ARL10: variants seen among roughly 807,000 people sequenced by gnomAD.
The protein encoded by ARL10 is ARF like GTPase 10, also known as ADP-ribosylation factor-like protein 10.
Under a neutral mutation model 26.1 loss-of-function variants are expected in ARL10, and 23 were observed. The ratio of observed to expected loss-of-function variants is 0.88; its 90% CI spans 0.63 to 1.25. The LOEUF is 1.25. Among genes scored for constraint, ARL10 ranks in the 50% most tolerant of loss-of-function variants. The pLI is 0.00. For synonymous variants in ARL10, 138 were observed against 149.1 expected (o/e 0.93, Z 0.54); for missense variants, 300 against 323.6 (o/e 0.93, Z 0.56).
chr5:176,370,935 A>C (rs1030513350), intron 3 of ARL10, among the ~76,000 whole-genome samples: 20 of 152,194 alleles, frequency 1.3e-4, no homozygotes, highest in African/African-American at 4.8e-4. Flanking sequence ...CTGAGTTGGC[A>C]CCTGGCTCTA....
At chr5:176,406,385 A>G (rs2113665354), downstream of ARL10, 1 of 1,134,240 alleles carries the variant, frequency 8.8e-7, no homozygotes, top group South Asian at 1.8e-5. Flanking sequence ...ACCCATGAGA[A>G]CCTCTGTGGA....
Position 176,374,678 on chromosome 5 carries a change from G to T in ARL10, c.*2783G>T, listed in dbSNP as rs956560364. The T allele has an allele frequency of 6.6e-6, 1 of 152,226 alleles. No homozygotes were observed. Among genetic ancestry groups the T allele is most frequent in the Non-Finnish European group, 1.5e-5 (1 of 68,038 alleles). 9.4% of individuals were successfully genotyped at this position (152,226 alleles called of 1,614,324 possible). On this transcript the variant is annotated 3_prime_UTR_variant, in exon 4 of 4. Coordinates refer to ENST00000310389, the MANE Select transcript of ARL10 (RefSeq NM_173664.6). ...AATTAAGGACATAGTTCACTATGAAGTACCTTAATTGTAAAGTGTTTGATT... is the reference window on the plus strand; with the variant it reads ...AATTAAGGACATAGTTCACTATGAATTACCTTAATTGTAAAGTGTTTGATT...
chr5:176,398,173 T>C (rs1314064704), intron 1 of ARL10: 1 of 770,414 alleles, frequency 1.3e-6, no homozygotes, highest in Non-Finnish European at 2.2e-6. Context: ...CCACTGTCTC[T>C]GGTGACTACA....
chr5:176,391,457 C>A (rs1445419819), downstream of ARL10, among the ~76,000 whole-genome samples: 1 of 152,126 alleles, frequency 6.6e-6, no homozygotes, highest in Non-Finnish European at 1.5e-5. Flanking sequence ...ACTAAAAATA[C>A]AAAGATTAGC....
At chr5:176,392,965 G>T, downstream of ARL10, 1 of 1,613,884 alleles carries the variant, frequency 6.2e-7, no homozygotes, top group South Asian at 1.1e-5. The surrounding 1 kb of genome is among the most constrained non-coding windows in gnomAD (Gnocchi z 5.2). Flanking sequence ...GAGATAGGAC[G>T]GGCTTTTATA....
chr5:176,393,255 C>T (rs901744297), downstream of ARL10, among the ~76,000 whole-genome samples: 1 of 152,170 alleles, frequency 6.6e-6, no homozygotes, highest in African/African-American at 2.4e-5. This position sits in a 1 kb window ranked among gnomAD's most constrained non-coding sequence, Gnocchi z 4.4. Flanking sequence ...AGCCTAGGCA[C>T]CCTCTGTTCA....
intron 1 of ARL10, among the ~76,000 whole-genome samples, chr5:176,394,641 C>CT (rs1289971818): frequency 7.8e-6 from 1 of 127,874 alleles, no homozygotes; most frequent in Non-Finnish European, 1.8e-5. Context: ...GGTGAAACCC[C>CT]GTCTCTACTA....
At chr5:176,392,644 G>A (rs1477470328), downstream of ARL10, 7 of 1,078,802 alleles carry the variant, frequency 6.5e-6, no homozygotes, top group African/African-American at 1.6e-5. The surrounding 1 kb of genome is among the most constrained non-coding windows in gnomAD (Gnocchi z 5.2). Flanking sequence ...CCCTCCCAGC[G>A]CCTGGAGATG....
At position 176,400,232 on chromosome 5, in the gene ARL10, AG is replaced by A. The variant is rs551000640; in HGVS notation, c.134-1507del. Among the ~76,000 whole-genome samples, 763 of 152,268 alleles carry A rather than the reference AG, an allele frequency of 5.0e-3. 8 individuals are homozygous for A. The highest frequency in any genetic ancestry group is 8.9e-3 in the Non-Finnish European group (602 of 68,014). On this transcript the variant is annotated intron_variant, in intron 1 of 1. Transcript: ENST00000514533. The stretch of plus-strand genomic sequence containing the variant: ...AAGAAAGAAAGAAAGAAAGAAAAAA[AG>A]GAATAATATTAAGAACACCTCTAAG...
At chr5:176,410,341 T>C in the ARL10 span, 104 of 1,589,598 alleles carry the variant, frequency 6.5e-5, no homozygotes, top group Non-Finnish European at 8.4e-5. Context: ...ACTCACTGTT[T>C]AGCTTATAGC....
downstream of ARL10, among the ~76,000 whole-genome samples, chr5:176,393,531 T>C (rs1002596069): frequency 1.3e-5 from 2 of 152,174 alleles, no homozygotes; most frequent in Admixed American, 1.3e-4. The surrounding 1 kb of genome is among the most constrained non-coding windows in gnomAD (Gnocchi z 4.4). Flanking sequence ...TTCAAAGCCT[T>C]TCATGTGCTG....
intron 1 of ARL10, chr5:176,396,624 C>T: frequency 3.5e-6 from 3 of 853,692 alleles, no homozygotes; most frequent in East Asian, 2.6e-5. Flanking sequence ...GAGAGAGAGA[C>T]AGCATTAGTA....
rs1755526259 is a variant in ARL10, at chr5:176,380,538, A to T, written c.*8643A>T. The T allele has an allele frequency of 1.5e-5, 2 of 135,838 alleles. No individual in the cohort carries two copies. Among genetic ancestry groups the T allele is most frequent in the South Asian group, 4.6e-4 (2 of 4,330 alleles). 8.4% of individuals were successfully genotyped at this position (135,838 alleles called of 1,614,324 possible). On this transcript the variant is annotated 3_prime_UTR_variant, in exon 4 of 4. Coordinates refer to ENST00000310389, the MANE Select transcript of ARL10 (RefSeq NM_173664.6). ...ACCACCCAGGCTGTAGCGCAATGGC[A>T]CGATCTCAGCTCACTGCAACCTCCG...
downstream of ARL10, chr5:176,384,422 C>G: frequency 1.9e-6 from 3 of 1,555,454 alleles, no homozygotes; most frequent in Middle Eastern, 3.5e-4. Context: ...GGCAAAGGCT[C>G]AAATCTGAAC....
At chr5:176,389,319 T>G (rs1206304930), downstream of ARL10, 1 of 1,610,022 alleles carries the variant, frequency 6.2e-7, no homozygotes, top group Non-Finnish European at 8.5e-7. Flanking sequence ...AGTTGCTTTG[T>G]CCCCTCCTCA....
At chr5:176,382,357 G>A (rs1348819897), downstream of ARL10, among the ~76,000 whole-genome samples, 1 of 152,204 alleles carries the variant, frequency 6.6e-6, no homozygotes, top group Non-Finnish European at 1.5e-5. Flanking sequence ...CAACCTAGCT[G>A]AGCTTGGGAA....
rs918093800 is a variant in ARL10, at chr5:176,376,754, T to G, written c.*4859T>G. 1 of 152,192 alleles carries G rather than the reference T, an allele frequency of 6.6e-6. No individual in the cohort carries two copies. Among genetic ancestry groups the G allele is most frequent in the Non-Finnish European group, 1.5e-5 (1 of 68,040 alleles). The allele number at this position is 152,192 out of a possible 1,614,324, so 9.4% of individuals were successfully genotyped here. ...CTTAAAGTCTCCAACAGGTGTGTAGTTCCAGGAGTCTGGAGAGGTCCTTTT... is the reference window on the plus strand; with the variant it reads ...CTTAAAGTCTCCAACAGGTGTGTAGGTCCAGGAGTCTGGAGAGGTCCTTTT... On this transcript the variant is annotated 3_prime_UTR_variant, in exon 4 of 4. Transcript: ENST00000310389.
chr5:176,388,684 C>T, downstream of ARL10: 5 of 1,373,540 alleles, frequency 3.6e-6, no homozygotes, highest in Non-Finnish European at 5.0e-6. Context: ...GTGCTGAGCA[C>T]TACGACTCCC....
In ARL10 at chr5:176,379,467, T is replaced by C. The variant is rs1276860739; in HGVS notation, c.*7572T>C. On this transcript the variant is annotated 3_prime_UTR_variant, in exon 4 of 4. Coordinates refer to ENST00000310389, the MANE Select transcript of ARL10 (RefSeq NM_173664.6). ...AACTATGTTCTTGAGTAAGAACTCC[T>C]GATGCCTGATTGTTATGTTTATGAA... The C allele has an allele frequency of 6.6e-6, 1 of 152,212 alleles. No homozygotes were observed. The highest frequency in any genetic ancestry group is 1.5e-5 in the Non-Finnish European group (1 of 68,036). The allele number at this position is 152,212 out of a possible 1,614,324, so 9.4% of individuals were successfully genotyped here. A position where few individuals can be genotyped will look rare whatever the true frequency, so the allele number is the denominator to read the frequency against.
Sources: allele counts gnomAD v4.1 joint callset (sites outside exome capture counted in the v4.1 genomes callset), GRCh38; gene constraint gnomAD v4.1.1; non-coding constraint Gnocchi (gnomAD v3.1); transcripts MANE v1.5; gene names NCBI Gene and HGNC (gene_info 2026-07-23, HGNC 2026-07-21).